The following SH3BP1 variants were observed in gnomAD, a reference collection of about 807,000 sequenced individuals.
The protein encoded by SH3BP1 is SH3 domain binding protein 1.
In SH3BP1, 46 loss-of-function variants were observed where a neutral mutation model predicts 69.8. That is an observed-to-expected ratio of 0.66 (90% confidence interval 0.52 to 0.84). The LOEUF (loss-of-function observed/expected upper bound fraction) is 0.84. SH3BP1 is among the 40% of genes least tolerant of loss of function. The pLI is 0.00. For missense variants in SH3BP1, 868 were observed against 930.9 expected (o/e 0.93, Z 0.88); for synonymous variants, 403 against 378.0 (o/e 1.07, Z -0.77).
At chr22:37,641,598 C>A in intron 3 of SH3BP1, 120 bp downstream of exon 3, 1 of 807,900 alleles carries the variant, frequency 1.2e-6, no homozygotes, top group Non-Finnish European at 2.0e-6. Context: ...GGCATGGAGA[C>A]TGCTCTGTTC....
At chr22:37,644,499 CAGAG>C (rs1932742713) in intron 7 of SH3BP1, 134 bp from the exon 8 acceptor site, 3 of 841,892 alleles carry the variant, frequency 3.6e-6, no homozygotes, top group Non-Finnish European at 5.9e-6. Flanking sequence ...CCAACCTTGG[CAGAG>C]AGAGGAGCCT....
Position 37,641,102 on chromosome 22 carries a change from C to CG in SH3BP1, c.60-24_60-23insG, listed in dbSNP as rs756357716. On this transcript the variant is annotated intron_variant, in intron 1 of 17. Transcript: ENST00000649765. ...GCAGGCTCAGCAGAAGCACTCTCCC[C>CG]CCCCCCCCCACCACTCCCCGCAGCA... 1.3e-4 allele frequency: 154 copies of CG among 1,227,166 alleles called. 4 individuals carry two copies. In the Middle Eastern group the frequency reaches 1.7e-3, roughly 14 times the overall value. The allele number at this position is 1,227,166 out of a possible 1,614,324, so 76.0% of individuals were successfully genotyped here. A position where few individuals can be genotyped will look rare whatever the true frequency, so the allele number is the denominator to read the frequency against.
chr22:37,644,790 A>AG, intron 8 of SH3BP1, 80 bp from the exon 9 acceptor site: 5 of 1,602,742 alleles, frequency 3.1e-6, no homozygotes, highest in Non-Finnish European at 4.3e-6. Flanking sequence ...AAGATGGTGG[A>AG]GGGGGCGTCT....
rs954741076 is a variant in SH3BP1, at chr22:37,639,681, C to A, written c.-107C>A. On this transcript the variant is annotated 5_prime_UTR_variant, in exon 1 of 18. Transcript: ENST00000649765. Reference sequence around the variant, plus strand: ...CGGCCCAGGAAGCGAGAGCGCCGCCCACCCATCCGGGGCAAGAGCCGCGCC... The same window carrying A: ...CGGCCCAGGAAGCGAGAGCGCCGCCAACCCATCCGGGGCAAGAGCCGCGCC... 1 of 643,408 alleles carries A rather than the reference C, an allele frequency of 1.6e-6. No individual in the cohort carries two copies. Among genetic ancestry groups the A allele is most frequent in the African/African-American group, 1.9e-5 (1 of 51,500 alleles). 39.9% of individuals were successfully genotyped at this position (643,408 alleles called of 1,614,324 possible). A position where few individuals can be genotyped will look rare whatever the true frequency, so the allele number is the denominator to read the frequency against.
Position 37,646,886 on chromosome 22 carries a change from C to A in SH3BP1, c.993C>A (p.Pro331=). ...KRLKQTMASD[P]HSLEEFCSDP... Reference sequence around the variant, plus strand: ...TCAAGCAGACAATGGCCTCGGACCCCCACAGCCTGGAGGAGTTCTGCTCCG... The same window carrying A: ...TCAAGCAGACAATGGCCTCGGACCCACACAGCCTGGAGGAGTTCTGCTCCG... The change falls in exon 11 of 18, where the codon CCC becomes CCA. Residue 331 remains proline (P), a synonymous_variant. Transcript: ENST00000649765. 1 of 1,563,582 alleles carries A rather than the reference C, an allele frequency of 6.4e-7. No homozygotes were observed. Among genetic ancestry groups the A allele is most frequent in the East Asian group, 2.3e-5 (1 of 43,232 alleles).
intron 16 of SH3BP1, among the ~76,000 whole-genome samples, chr22:37,653,571 G>C (rs1027126114): frequency 6.6e-6 from 1 of 152,198 alleles, no homozygotes; most frequent in Non-Finnish European, 1.5e-5. Flanking sequence ...CTGTCACAGG[G>C]TCACAAAGCA....
rs1932984479 is a variant in SH3BP1 at position 37,655,191 on chromosome 22, T to C, written c.1694-81T>C. The C allele has an allele frequency of 3.9e-6, 4 of 1,018,506 alleles. No homozygotes were observed. In the South Asian group the frequency reaches 6.5e-5, roughly 17 times the overall value. The allele number at this position is 1,018,506 out of a possible 1,614,324, so 63.1% of individuals were successfully genotyped here. ...CAGAGGGAACAGCAGATGCAAAGGTTGTGAGGGGGCACGGAGCTTGGTGGA... is the reference window on the plus strand; with the variant it reads ...CAGAGGGAACAGCAGATGCAAAGGTCGTGAGGGGGCACGGAGCTTGGTGGA... On this transcript the variant is annotated intron_variant, in intron 17 of 17. Coordinates refer to ENST00000649765, the MANE Select transcript of SH3BP1 (RefSeq NM_018957.6).
In SH3BP1 at chr22:37,655,969, C is replaced by T. The variant is rs767403969; in HGVS notation, c.*285C>T. The T allele has an allele frequency of 6.5e-7, 1 of 1,543,238 alleles. No homozygotes were observed. The highest frequency in any genetic ancestry group is 8.7e-7 in the Non-Finnish European group (1 of 1,145,166). On this transcript the variant is annotated 3_prime_UTR_variant, in exon 18 of 18. Transcript: ENST00000649765. The stretch of plus-strand genomic sequence containing the variant: ...GAAGGAAGGAGAGGTTTGCCTGCTC[C>T]TACGGGACTGATTCTTCTCTTGCCG...
intron 16 of SH3BP1, among the ~76,000 whole-genome samples, chr22:37,652,635 C>T (rs1932902836): frequency 6.6e-6 from 1 of 151,422 alleles, no homozygotes; most frequent in Admixed American, 6.6e-5. Context: ...ACCAGCCTGG[C>T]AAACATGGTG....
At position 37,639,767 on chromosome 22, in the gene SH3BP1, A is replaced by C; in HGVS notation, c.-21A>C. The stretch of plus-strand genomic sequence containing the variant: ...CCCGCGACCCCCGCCGTGACCCCGC[A>C]GCCCCCAGCTCGCCCCCAAGATGAT... On this transcript the variant is annotated 5_prime_UTR_variant, in exon 1 of 18. Transcript: ENST00000649765. 6 of 1,468,276 alleles carry C rather than the reference A, an allele frequency of 4.1e-6. No individual in the cohort carries two copies. The East Asian group carries it at 1.5e-4, about 36-fold the overall frequency. The allele number at this position is 1,468,276 out of a possible 1,614,324, so 91.0% of individuals were successfully genotyped here.
At chr22:37,640,049 G>A (rs1932526357) in intron 1 of SH3BP1, among the ~76,000 whole-genome samples, 1 of 152,202 alleles carries the variant, frequency 6.6e-6, no homozygotes, top group African/African-American at 2.4e-5. Context: ...GGTGGCCTTT[G>A]GGGGAAGGGA....
chr22:37,642,812 TGAGG>T, intron 4 of SH3BP1, 79 bp from the exon 5 acceptor site: 1 of 1,592,374 alleles, frequency 6.3e-7, no homozygotes, highest in South Asian at 1.1e-5. Context: ...GGGCCGGAAG[TGAGG>T]GAGGAGAGGC....
intron 13 of SH3BP1, 58 bp from the exon 14 acceptor site, chr22:37,648,261 G>C (rs1167397871): frequency 8.2e-7 from 1 of 1,213,082 alleles, no homozygotes; most frequent in African/African-American, 1.5e-5. Flanking sequence ...CCCTGGGCTG[G>C]AGAATTCTCA....
intron 7 of SH3BP1, 120 bp downstream of exon 7, chr22:37,643,908 T>G: frequency 8.5e-7 from 1 of 1,173,962 alleles, no homozygotes; most frequent in Non-Finnish European, 1.2e-6. Flanking sequence ...GCCACGTGGC[T>G]AGGAGCCAGC....
At chr22:37,653,704 C>A in intron 16 of SH3BP1, 75 bp from the exon 17 acceptor site, 1 of 1,000,040 alleles carries the variant, frequency 1.0e-6, no homozygotes, top group Non-Finnish European at 1.6e-6. Context: ...CACCTGGCAG[C>A]TGGAGACTCC....
At chr22:37,650,004 AC>A (rs1932847648) in intron 14 of SH3BP1, 147 bp from the exon 15 acceptor site, 1 of 843,328 alleles carries the variant, frequency 1.2e-6, no homozygotes, top group East Asian at 2.4e-5. Flanking sequence ...TGTGAGTGAC[AC>A]ATTTACCATC....
rs1235628410 is a variant in SH3BP1 at position 37,650,227 on chromosome 22, C to T, written c.1392C>T (p.Ser464=). 5.6e-6 allele frequency: 9 copies of T among 1,611,712 alleles called. No individual in the cohort carries two copies. Among genetic ancestry groups the T allele is most frequent in the African/African-American group, 1.3e-5 (1 of 74,890 alleles). Residue 464 remains serine, a synonymous_variant, in exon 15 of 18, where the codon AGC becomes AGT. Transcript: ENST00000649765. ...GCGTCGTCGAGGCGCTGATCCAGAG[C>T]GCAGACACCCTCTTCCCTGGAGGTG... ...VVGVVEALIQ[S]ADTLFPGDIN...
Position 37,655,581 on chromosome 22 carries a change from C to A in SH3BP1, c.2003C>A (p.Ala668Asp). 1 of 1,593,270 alleles carries A rather than the reference C, an allele frequency of 6.3e-7. No homozygotes were observed. Among genetic ancestry groups the A allele is most frequent in the Non-Finnish European group, 8.5e-7 (1 of 1,170,512 alleles). Reference sequence around the variant, plus strand: ...CCTGCACAGGTGGACCTGGGGGCTGCCACAGCAGAGGGAGGAGCCCCTGAG... The same window carrying A: ...CCTGCACAGGTGGACCTGGGGGCTGACACAGCAGAGGGAGGAGCCCCTGAG... ...SNPAQVDLGA[A>D]TAEGGAPEAI... The change falls in exon 18 of 18, where the codon GCC becomes GAC. Residue 668 changes from alanine to aspartate, a missense_variant. Ala to Asp is a moderately radical substitution (Grantham distance 126). This residue lies in a region of SH3BP1 where 474 missense variants were observed against 462.3 expected (regional missense o/e 1.03). Coordinates refer to ENST00000649765, the MANE Select transcript of SH3BP1 (RefSeq NM_018957.6).
rs1209962143 is a variant in SH3BP1, at chr22:37,653,837, G to A, written c.1657G>A (p.Glu553Lys). 3.1e-6 allele frequency: 5 copies of A among 1,603,654 alleles called. No homozygotes were observed. The African/African-American group carries it at 6.7e-5, about 22-fold the overall frequency. Reference sequence around the variant, plus strand: ...CCCCAAGGTCACCAGGAGTCCCCCGGAGACAGCTGCCCCAGTGGAGGACAT... The same window carrying A: ...CCCCAAGGTCACCAGGAGTCCCCCGAAGACAGCTGCCCCAGTGGAGGACAT... ...ASPKVTRSPP[E>K]TAAPVEDMAR... is the part of the protein sequence containing the mutation. Residue 553 changes from glutamate (E) to lysine (K), a missense_variant, in exon 17 of 18, where the codon GAG becomes AAG. Coordinates refer to ENST00000649765, the MANE Select transcript of SH3BP1 (RefSeq NM_018957.6).
Sources: allele counts gnomAD v4.1 joint callset (sites outside exome capture counted in the v4.1 genomes callset), GRCh38; gene constraint gnomAD v4.1.1; regional missense constraint gnomAD v4.1.1; transcripts MANE v1.5; gene names NCBI Gene and HGNC (gene_info 2026-07-23, HGNC 2026-07-21).